EYS: variants seen among roughly 807,000 people sequenced by gnomAD.
EYS encodes the protein protein eyes shut homolog.
Under a neutral mutation model 282.1 loss-of-function variants are expected in EYS, and 250 were observed. The observed-to-expected ratio is 0.89, with a 90% confidence interval of 0.80 to 0.98. EYS has a LOEUF of 0.98. Ranked by LOEUF, EYS falls within the 50% of genes least tolerant of loss-of-function variation. The probability of loss-of-function intolerance (pLI) is 0.00; values close to 1 mark genes in which losing one functional copy is unlikely to be tolerated. For missense variants in EYS, 4,016 were observed against 3,709.0 expected (o/e 1.08, Z -2.15); for synonymous variants, 1,355 against 1,282.9 (o/e 1.06, Z -1.20).
chr6:64,166,572 T>C (rs995198120), intron 31 of EYS, among the ~76,000 whole-genome samples: 1 of 152,134 alleles, frequency 6.6e-6, no homozygotes, highest in Non-Finnish European at 1.5e-5. Context: ...GAATCTGCAC[T>C]CTTGTCATGC....
chr6:64,024,161 CT>C (rs1284691597), intron 33 of EYS, among the ~76,000 whole-genome samples: 2 of 152,232 alleles, frequency 1.3e-5, no homozygotes, highest in African/African-American at 4.8e-5. Flanking sequence ...ACCTGCAGCC[CT>C]GGTGCGGGAT....
At chr6:65,509,982 T>A (rs1369300150) in intron 2 of EYS, among the ~76,000 whole-genome samples, 1 of 152,090 alleles carries the variant, frequency 6.6e-6, no homozygotes, top group African/African-American at 2.4e-5. Context: ...ATTGTTATAA[T>A]CTCTCTTTTT....
intron 12 of EYS, among the ~76,000 whole-genome samples, chr6:65,257,754 A>G (rs1023113703): frequency 1.1e-4 from 17 of 152,028 alleles, no homozygotes; most frequent in Non-Finnish European, 1.9e-4. Flanking sequence ...GGCGAAGACA[A>G]ACTTCACATG....
At chr6:64,884,022 A>G (rs926233403) in intron 19 of EYS, among the ~76,000 whole-genome samples, 14 of 151,722 alleles carry the variant, frequency 9.2e-5, no homozygotes, top group Non-Finnish European at 1.6e-4. Flanking sequence ...CAGCTAATAG[A>G]ATACAAATCA....
chr6:64,329,087 C>T (rs1004276761), intron 29 of EYS, among the ~76,000 whole-genome samples: 1 of 152,102 alleles, frequency 6.6e-6, no homozygotes, highest in African/African-American at 2.4e-5. Flanking sequence ...GACCAGGCTC[C>T]ATTTCATTAG....
intron 29 of EYS, among the ~76,000 whole-genome samples, chr6:64,318,408 C>T (rs1770064715): frequency 6.6e-6 from 1 of 151,946 alleles, no homozygotes; most frequent in Admixed American, 6.6e-5. Flanking sequence ...AGTAGTTACA[C>T]AAAGTTTAGA....
At chr6:64,071,680 T>C (rs1771586037) in intron 32 of EYS, among the ~76,000 whole-genome samples, 1 of 149,596 alleles carries the variant, frequency 6.7e-6, no homozygotes, top group Admixed American at 6.7e-5. Flanking sequence ...TAATTAGGGA[T>C]ACCTCCTGAT....
intron 31 of EYS, among the ~76,000 whole-genome samples, chr6:64,089,827 T>C (rs1772292841): frequency 6.6e-6 from 1 of 152,138 alleles, no homozygotes; most frequent in African/African-American, 2.4e-5. Flanking sequence ...TTTCTCCTTT[T>C]GATTGTACCT....
intron 31 of EYS, among the ~76,000 whole-genome samples, chr6:64,128,975 A>T (rs115536775): frequency 1.3e-5 from 2 of 152,136 alleles, no homozygotes; most frequent in Non-Finnish European, 2.9e-5. Flanking sequence ...GAAGAAATAG[A>T]TTAGAGTGGT....
chr6:64,709,207 T>C (rs1771126897), intron 22 of EYS, among the ~76,000 whole-genome samples: 1 of 152,200 alleles, frequency 6.6e-6, no homozygotes, highest in Non-Finnish European at 1.5e-5. Context: ...AGCATGTATA[T>C]TTTTATAACT....
chr6:65,698,046 G>A (rs1769518674), intron 1 of EYS, among the ~76,000 whole-genome samples: 1 of 152,110 alleles, frequency 6.6e-6, no homozygotes, highest in African/African-American at 2.4e-5. Flanking sequence ...ATATTTATGT[G>A]TGTCAGGGTG....
rs529140879 is a variant in EYS, at chr6:64,126,844, C to G, written c.6425-44842G>C. On this transcript the variant is annotated intron_variant, in intron 31 of 42. Transcript: ENST00000503581. ...ACATATATTTAAATACATATATACA[C>G]ACACACATATCTATATACATACATA... is the stretch of plus-strand genomic sequence containing the variant. Among the ~76,000 whole-genome samples, 7 of 151,662 alleles carry G rather than the reference C, an allele frequency of 4.6e-5. No homozygotes were observed. The South Asian group carries it at 1.5e-3, about 31-fold the overall frequency.
At chr6:64,101,322 C>T (rs1446066904) in intron 31 of EYS, among the ~76,000 whole-genome samples, 2 of 151,382 alleles carry the variant, frequency 1.3e-5, no homozygotes, top group African/African-American at 4.9e-5. Flanking sequence ...GTAACAGCAC[C>T]ATCTCTCTCA....
intron 12 of EYS, among the ~76,000 whole-genome samples, chr6:65,203,857 A>T (rs1308659453): frequency 6.6e-6 from 1 of 152,118 alleles, no homozygotes; most frequent in Non-Finnish European, 1.5e-5. Flanking sequence ...ATGAGATAAA[A>T]GACAAAATAG....
intron 22 of EYS, among the ~76,000 whole-genome samples, chr6:64,736,580 C>A (rs1772188999): frequency 6.6e-6 from 1 of 152,264 alleles, no homozygotes; most frequent in East Asian, 1.9e-4. Flanking sequence ...TCCCTTTGGC[C>A]CATTCTCGTA....
At chr6:65,619,518 C>T (rs1267347081) in intron 2 of EYS, among the ~76,000 whole-genome samples, 2 of 152,120 alleles carry the variant, frequency 1.3e-5, no homozygotes, top group African/African-American at 2.4e-5. Context: ...ATTTGACTTC[C>T]TCTTTTCCTA....
chr6:65,312,683 C>A (rs1445940402), intron 11 of EYS, among the ~76,000 whole-genome samples: 1 of 152,092 alleles, frequency 6.6e-6, no homozygotes, highest in African/African-American at 2.4e-5. Context: ...TATCTCAGGC[C>A]CCCAACAACC....
chr6:64,938,542 T>C (rs1328038806), intron 15 of EYS, among the ~76,000 whole-genome samples: 1 of 151,684 alleles, frequency 6.6e-6, no homozygotes, highest in Non-Finnish European at 1.5e-5. Flanking sequence ...GTCTTTACAA[T>C]GGGATAAAAG....
chr6:63,768,565 T>TA (rs975387009), intron 40 of EYS, among the ~76,000 whole-genome samples: 3 of 151,608 alleles, frequency 2.0e-5, no homozygotes, highest in South Asian at 2.1e-4. Context: ...TTATAAAATG[T>TA]AAAAAAAATG....
Sources: gnomAD v4.1 joint callset for allele counts (sites outside exome capture counted in the v4.1 genomes callset) on GRCh38, gnomAD v4.1.1 for gene constraint, MANE v1.5 for transcripts, NCBI Gene and HGNC (gene_info 2026-07-23, HGNC 2026-07-21) for gene names.